The following PAQR8 variants were observed in gnomAD, a reference collection of about 807,000 sequenced individuals.
PAQR8 encodes the protein progestin and adipoQ receptor family member 8.
PAQR8 carries 17 observed loss-of-function variants against 25.2 expected under a neutral mutation model. The ratio of observed to expected loss-of-function variants is 0.67; its 90% confidence interval spans 0.46 to 1.01. PAQR8 has a LOEUF of 1.01. Ranked by LOEUF, PAQR8 falls within the 50% of genes least tolerant of loss-of-function variation. The probability of loss-of-function intolerance (pLI) is 0.00; values close to 1 mark genes in which losing one functional copy is unlikely to be tolerated. For synonymous variants in PAQR8, 204 were observed against 190.6 expected, an observed-to-expected ratio of 1.07 and a Z score of -0.58; for missense variants, 392 against 448.4, an observed-to-expected ratio of 0.87 and a Z score of 1.14.
At chr6:52,380,960 C>T (rs929759512) in intron 1 of PAQR8, among the ~76,000 whole-genome samples, 8 of 152,228 alleles carry the variant, frequency 5.3e-5, no homozygotes, top group African/African-American at 1.9e-4. Context: ...CATATAATTT[C>T]TTAACCTCAT....
intron 1 of PAQR8, among the ~76,000 whole-genome samples, chr6:52,389,142 A>C (rs1021091710): frequency 1.8e-4 from 27 of 152,240 alleles, no homozygotes; most frequent in Non-Finnish European, 3.2e-4. Flanking sequence ...TTCAGCCAGC[A>C]ATTTAAATAT....
At chr6:52,398,988 A>G (rs527664443) in intron 1 of PAQR8, among the ~76,000 whole-genome samples, 1 of 152,074 alleles carries the variant, frequency 6.6e-6, no homozygotes, top group African/African-American at 2.4e-5. Flanking sequence ...CTTTGTGGCT[A>G]TTGGGTTACA....
At chr6:52,392,113 G>A (rs867388815) in intron 1 of PAQR8, among the ~76,000 whole-genome samples, 8 of 152,060 alleles carry the variant, frequency 5.3e-5, no homozygotes, top group African/African-American at 1.4e-4. Context: ...AGGCCTAGGC[G>A]GGCAGATTGC....
At position 52,406,300 on chromosome 6, in the gene PAQR8, A is replaced by AGAGAGGAGAAGGGAGGGAG. The variant is rs1763908324; in HGVS notation, c.*2027_*2028insGAGAAGGGAGGGAGGAGAG. On this transcript the variant is annotated 3_prime_UTR_variant, in exon 2 of 2. Transcript: ENST00000442253. ...GAAAGTTGGAAGGAGAAGGGAGGGAAGAGAGCAGAAGGGAAGAAGGTGTAA... is the reference window on the plus strand; with the variant it reads ...GAAAGTTGGAAGGAGAAGGGAGGGAAGAGAGGAGAAGGGAGGGAGGAGAGCAGAAGGGAAGAAGGTGTAA... The AGAGAGGAGAAGGGAGGGAG allele has an allele frequency of 7.3e-6, 3 of 408,446 alleles. No homozygotes were observed. In the South Asian group the frequency reaches 4.3e-4, roughly 58 times the overall value. The allele number at this position is 408,446 out of a possible 1,614,324, so 25.3% of individuals were successfully genotyped here. A position where few individuals can be genotyped will look rare whatever the true frequency, so the allele number is the denominator to read the frequency against.
intron 1 of PAQR8, among the ~76,000 whole-genome samples, chr6:52,392,618 G>A (rs1224806399): frequency 2.0e-5 from 3 of 152,188 alleles, no homozygotes; most frequent in Non-Finnish European, 4.4e-5. Context: ...AGGCTTTTTA[G>A]GTAGCTTGCT....
intron 1 of PAQR8, among the ~76,000 whole-genome samples, chr6:52,378,597 C>T (rs1204477807): frequency 6.6e-6 from 1 of 151,448 alleles, no homozygotes; most frequent in East Asian, 1.9e-4. Context: ...TCAAGACCAG[C>T]CTGACCAACA....
intron 1 of PAQR8, among the ~76,000 whole-genome samples, chr6:52,383,046 G>C (rs1043324470): frequency 6.6e-6 from 1 of 152,234 alleles, no homozygotes; most frequent in African/African-American, 2.4e-5. Flanking sequence ...AAAGTGTTGG[G>C]ATTATTGGTG....
chr6:52,400,548 T>A (rs1015263888), intron 1 of PAQR8, among the ~76,000 whole-genome samples: 3 of 152,224 alleles, frequency 2.0e-5, no homozygotes, highest in Admixed American at 2.0e-4. Context: ...CAAACTACAA[T>A]GACTTCAGAT....
Position 52,373,065 on chromosome 6 carries a change from G to A in PAQR8, c.-53+10816G>A, listed in dbSNP as rs1223388030. Among the ~76,000 whole-genome samples the A allele has an allele frequency of 2.0e-5, 3 of 152,142 alleles. No individual in the cohort carries two copies. The East Asian group carries it at 5.8e-4, about 29-fold the overall frequency. On this transcript the variant is annotated intron_variant, in intron 1 of 1. Transcript: ENST00000442253. ...TACATGGTTGCTACCAGACCCCACT[G>A]TTGTAGCTAATCCTTGCATTACAGA...
In PAQR8 at chr6:52,404,381, A is replaced by T; in HGVS notation, c.*103A>T. The T allele has an allele frequency of 2.7e-6, 3 of 1,091,256 alleles. No homozygotes were observed. The highest frequency in any genetic ancestry group is 3.9e-6 in the Non-Finnish European group (3 of 771,814). 67.6% of individuals were successfully genotyped at this position (1,091,256 alleles called of 1,614,324 possible). ...AAGGCATTGGCTTTTAAATTAATAC[A>T]TATATCCAAGGATATGTTATAGCTG... On this transcript the variant is annotated 3_prime_UTR_variant, in exon 2 of 2. Coordinates refer to ENST00000442253, the MANE Select transcript of PAQR8 (RefSeq NM_133367.5).
intron 1 of PAQR8, among the ~76,000 whole-genome samples, chr6:52,398,605 G>A (rs1267897216): frequency 2.0e-5 from 3 of 152,092 alleles, no homozygotes; most frequent in African/African-American, 7.2e-5. Flanking sequence ...CCAGGCTGGA[G>A]TGCAGTGGCA....
intron 1 of PAQR8, among the ~76,000 whole-genome samples, chr6:52,401,423 C>A (rs973937571): frequency 6.6e-6 from 1 of 152,152 alleles, no homozygotes; most frequent in African/African-American, 2.4e-5. Context: ...CTAGCAACTT[C>A]AGATGAAATT....
At position 52,393,336 on chromosome 6, in the gene PAQR8, T is replaced by C. The variant is rs1038647545; in HGVS notation, c.-52-9826T>C. Among the ~76,000 whole-genome samples, 62 of 139,160 alleles carry C rather than the reference T, an allele frequency of 4.5e-4. No individual in the cohort carries two copies. In the South Asian group the frequency reaches 5.6e-3, roughly 13 times the overall value. 91.3% of individuals were successfully genotyped at this position (139,160 alleles called of 152,430 possible). On this transcript the variant is annotated intron_variant, in intron 1 of 1. Transcript: ENST00000442253. ...ATTATTCTGACACTTTCTCTCTCTT[T>C]TTTTTTTTTTTTTTTTTGAGACGGC...
At chr6:52,385,336 G>A (rs1763619576) in intron 1 of PAQR8, among the ~76,000 whole-genome samples, 1 of 152,194 alleles carries the variant, frequency 6.6e-6, no homozygotes, top group Admixed American at 6.5e-5. Context: ...CAGCCATGTG[G>A]AACTGTGAGT....
chr6:52,385,992 T>TA (rs1455874866), intron 1 of PAQR8, among the ~76,000 whole-genome samples: 19 of 152,076 alleles, frequency 1.2e-4, no homozygotes, highest in Non-Finnish European at 2.1e-4. Context: ...TAAGGAACTT[T>TA]AAATCACCAA....
chr6:52,368,485 T>TA (rs987670072), intron 1 of PAQR8, among the ~76,000 whole-genome samples: 8 of 150,896 alleles, frequency 5.3e-5, no homozygotes, highest in Admixed American at 1.3e-4. Context: ...GACTTGTATT[T>TA]AAAAAAAAAG....
rs773510252 is a variant in PAQR8, at chr6:52,372,688, G to T, written c.-53+10439G>T. On this transcript the variant is annotated intron_variant, in intron 1 of 1. Transcript: ENST00000442253. ...ACAATATGGTATAATAAATCCCCAT[G>T]TGCCCATCAACCAATTTCAGTAATT... 3.3e-4 allele frequency among the ~76,000 whole-genome samples: 50 copies of T among 151,470 alleles called. 1 individual carries two copies. The highest frequency in any genetic ancestry group is 1.9e-3 in the Admixed American group (29 of 15,210).
chr6:52,404,016 A>G lies in PAQR8; in HGVS notation c.803A>G (p.Glu268Gly). Reference protein sequence around the residue: ...SAYFFSCPVPEKYFPGSCDIV... With the variant: ...SAYFFSCPVPGKYFPGSCDIV... ...TATTTCTTCTCCTGCCCCGTGCCTG[A>G]GAAGTACTTCCCGGGTTCCTGTGAC... The change falls in exon 2 of 2, where the codon GAG becomes GGG. Residue 268 changes from glutamate to glycine, a missense_variant. Physicochemically the swap from Glu to Gly is moderately conservative, Grantham distance 98. Coordinates refer to ENST00000442253, the MANE Select transcript of PAQR8 (RefSeq NM_133367.5). The G allele has an allele frequency of 2.5e-6, 4 of 1,614,152 alleles. No homozygotes were observed. The highest frequency in any genetic ancestry group is 3.4e-6 in the Non-Finnish European group (4 of 1,180,026).
intron 1 of PAQR8, among the ~76,000 whole-genome samples, chr6:52,394,270 T>C (rs1763742606): frequency 6.6e-6 from 1 of 152,198 alleles, no homozygotes; most frequent in Admixed American, 6.5e-5. Context: ...TAAATGGTCT[T>C]TTATGGGTAC....
Sources: gnomAD v4.1 joint callset for allele counts (sites outside exome capture counted in the v4.1 genomes callset) on GRCh38, gnomAD v4.1.1 for gene constraint, MANE v1.5 for transcripts, NCBI Gene and HGNC (gene_info 2026-07-23, HGNC 2026-07-21) for gene names.